The following LIX1 variants were observed in gnomAD, a reference collection of about 807,000 sequenced individuals.
The protein encoded by LIX1 is limb and CNS expressed 1, also known as protein limb expression 1 homolog.
LIX1 carries 24 observed loss-of-function variants against 33.4 expected under a neutral mutation model. The observed-to-expected ratio is 0.72, with a 90% CI of 0.52 to 1.01. LIX1 has a LOEUF of 1.01. LIX1 is among the 50% of genes least tolerant of loss of function. The pLI is 0.00. For synonymous variants in LIX1, 124 were observed against 124.0 expected, an observed-to-expected ratio of 1.00 and a Z score of 0.00; for missense variants, 311 against 339.2, an observed-to-expected ratio of 0.92 and a Z score of 0.65.
intron 1 of LIX1, among the ~76,000 whole-genome samples, chr5:97,138,399 A>G (rs1002267648): frequency 6.6e-6 from 1 of 152,252 alleles, no homozygotes; most frequent in African/African-American, 2.4e-5. Context: ...TGAGTTGGCA[A>G]ATGGTTTCTT....
chr5:97,113,657 G>C (rs1381784906), intron 2 of LIX1, among the ~76,000 whole-genome samples: 1 of 152,168 alleles, frequency 6.6e-6, no homozygotes, highest in Non-Finnish European at 1.5e-5. Flanking sequence ...TGGTCTGTCT[G>C]ACTTGGGAGT....
At chr5:97,111,942 A>T (rs1747417567) in intron 2 of LIX1, among the ~76,000 whole-genome samples, 1 of 152,210 alleles carries the variant, frequency 6.6e-6, no homozygotes, top group Admixed American at 6.5e-5. Flanking sequence ...TGCTCATTTT[A>T]TTATTTCAAT....
At chr5:97,096,490 A>G (rs1282711854) in intron 5 of LIX1, among the ~76,000 whole-genome samples, 5 of 152,222 alleles carry the variant, frequency 3.3e-5, no homozygotes, top group Non-Finnish European at 7.3e-5. Context: ...GAGGGCACAC[A>G]TTCCAAGGAG....
At chr5:97,120,467 A>G (rs1747749472) in intron 2 of LIX1, among the ~76,000 whole-genome samples, 2 of 152,176 alleles carry the variant, frequency 1.3e-5, no homozygotes, top group Admixed American at 6.5e-5. Context: ...AGAAAACATT[A>G]AGCCTAGTAG....
rs1270513795 is a variant in LIX1, at chr5:97,094,101, T to C, written c.*647A>G. 6.6e-6 allele frequency: 1 copy of C among 152,084 alleles called. No individual in the cohort carries two copies. Among genetic ancestry groups the C allele is most frequent in the Non-Finnish European group, 1.5e-5 (1 of 67,986 alleles). The allele number at this position is 152,084 out of a possible 1,614,324, so 9.4% of individuals were successfully genotyped here. A position where few individuals can be genotyped will look rare whatever the true frequency, so the allele number is the denominator to read the frequency against. ...ATATTTATCCCCATATATGGAAGAG[T>C]GTGGGTTTTAAAAATTATTGTTACA... On this transcript the variant is annotated 3_prime_UTR_variant, in exon 6 of 6. Coordinates refer to ENST00000274382, the MANE Select transcript of LIX1 (RefSeq NM_153234.5).
chr5:97,123,758 G>A (rs901773711), intron 2 of LIX1, among the ~76,000 whole-genome samples: 4 of 152,100 alleles, frequency 2.6e-5, no homozygotes, highest in East Asian at 1.9e-4. Flanking sequence ...TCTCCCAACC[G>A]TTCCTTGCCA....
chr5:97,116,784 G>T (rs1280340578), intron 2 of LIX1, among the ~76,000 whole-genome samples: 2 of 151,912 alleles, frequency 1.3e-5, no homozygotes, highest in Non-Finnish European at 2.9e-5. Flanking sequence ...GCTTTGATGT[G>T]AAAGGAGTTG....
intron 4 of LIX1, chr5:97,101,715 G>C (rs1746710529): frequency 6.6e-6 from 1 of 152,154 alleles, no homozygotes; most frequent in African/African-American, 2.4e-5. Flanking sequence ...TCAGCTACTT[G>C]TGGAGAGAAA....
Position 97,126,713 on chromosome 5 carries a change from C to T in LIX1, c.83-2084G>A, listed in dbSNP as rs181704361. On this transcript the variant is annotated intron_variant, in intron 1 of 5. Transcript: ENST00000274382. ...GGAGTGCAGTGGCACGATCTCGGCT[C>T]ATTGCAAGCTCTGCCTCCCTGGTTC... is the stretch of plus-strand genomic sequence containing the variant. Among the ~76,000 whole-genome samples the T allele has an allele frequency of 2.5e-3, 372 of 146,606 alleles. 6 individuals carry two copies. Among genetic ancestry groups the T allele is most frequent in the Non-Finnish European group, 6.7e-4 (45 of 67,384 alleles).
chr5:97,141,579 A>G (rs1258154797), intron 1 of LIX1, among the ~76,000 whole-genome samples: 1 of 150,588 alleles, frequency 6.6e-6, no homozygotes, highest in Non-Finnish European at 1.5e-5. Context: ...ATCAGAAAGC[A>G]AAAATTCAAA....
At chr5:97,138,641 G>C (rs1748219030) in intron 1 of LIX1, among the ~76,000 whole-genome samples, 1 of 152,066 alleles carries the variant, frequency 6.6e-6, no homozygotes, top group Admixed American at 6.6e-5. Context: ...GTTTGTCTTT[G>C]GACAAGCTGT....
intron 1 of LIX1, among the ~76,000 whole-genome samples, chr5:97,132,332 C>T (rs1042349483): frequency 6.6e-6 from 1 of 152,050 alleles, no homozygotes; most frequent in African/African-American, 2.4e-5. Context: ...GTTAAAGTGA[C>T]ATGTAAAATG....
intron 1 of LIX1, among the ~76,000 whole-genome samples, chr5:97,132,914 T>C (rs1173885938): frequency 6.6e-6 from 1 of 152,160 alleles, no homozygotes; most frequent in Non-Finnish European, 1.5e-5. Context: ...TGGAAGGAGA[T>C]GAAGCCCCTT....
chr5:97,131,737 T>TA (rs532294943), intron 1 of LIX1, among the ~76,000 whole-genome samples: 65 of 152,358 alleles, frequency 4.3e-4, no homozygotes, highest in African/African-American at 1.5e-3. Flanking sequence ...CGACATAGTC[T>TA]AAACAGCTTT....
At position 97,120,346 on chromosome 5, in the gene LIX1, C is replaced by T. The variant is rs150758534; in HGVS notation, c.246+4120G>A. ...TATTAGGCACTTTATGCACTGTATG[C>T]GAAACACAGTGCTTGAGGTCATGGG... On this transcript the variant is annotated intron_variant, in intron 2 of 5. Transcript: ENST00000274382. Among the ~76,000 whole-genome samples, 194 of 152,238 alleles carry T rather than the reference C, an allele frequency of 1.3e-3. 1 individual carries two copies. Among genetic ancestry groups the T allele is most frequent in the African/African-American group, 4.5e-3 (187 of 41,528 alleles).
At chr5:97,128,517 C>T (rs948465312) in intron 1 of LIX1, among the ~76,000 whole-genome samples, 1 of 152,144 alleles carries the variant, frequency 6.6e-6, no homozygotes, top group African/African-American at 2.4e-5. Flanking sequence ...ACAGATAGCT[C>T]CCAAACTATT....
intron 2 of LIX1, among the ~76,000 whole-genome samples, chr5:97,120,136 G>A (rs1277712099): frequency 1.3e-5 from 2 of 152,126 alleles, no homozygotes; most frequent in African/African-American, 4.8e-5. Context: ...TTTAACCACA[G>A]ATATGAACAA....
At chr5:97,134,074 G>T (rs1748120926) in intron 1 of LIX1, among the ~76,000 whole-genome samples, 1 of 152,158 alleles carries the variant, frequency 6.6e-6, no homozygotes, top group Non-Finnish European at 1.5e-5. Context: ...AATTGGAAAG[G>T]CTGCCATTTA....
Position 97,103,099 on chromosome 5 carries a change from G to A in LIX1, c.483+2091C>T, listed in dbSNP as rs186625356. Reference sequence around the variant, plus strand: ...TAGAGCAGACTTCACACATAGGTCTGTATGACTTTTTAAAGTTTATATTCT... The same window carrying A: ...TAGAGCAGACTTCACACATAGGTCTATATGACTTTTTAAAGTTTATATTCT... On this transcript the variant is annotated intron_variant, in intron 4 of 5. Transcript: ENST00000274382. 1.6e-4 allele frequency: 74 copies of A among 449,118 alleles called. 1 individual carries two copies. The highest frequency in any genetic ancestry group is 1.2e-3 in the East Asian group (17 of 14,332). The allele number at this position is 449,118 out of a possible 1,614,324, so 27.8% of individuals were successfully genotyped here.
Sources: allele counts gnomAD v4.1 joint callset (sites outside exome capture counted in the v4.1 genomes callset), GRCh38; gene constraint gnomAD v4.1.1; transcripts MANE v1.5; gene names NCBI Gene and HGNC (gene_info 2026-07-23, HGNC 2026-07-21).